Variants in C4orf33 observed in about 807,000 individuals in gnomAD.
The protein encoded by C4orf33 is chromosome 4 open reading frame 33, also known as UPF0462 protein C4orf33.
Under a neutral mutation model 24.3 loss-of-function variants are expected in C4orf33, and 20 were observed. The ratio of observed to expected loss-of-function variants is 0.82; its 90% CI spans 0.58 to 1.19. The LOEUF (loss-of-function observed/expected upper bound fraction) is 1.19. C4orf33 is among the 50% of genes most tolerant of loss of function. The pLI is 0.00. For missense variants in C4orf33, 207 were observed against 225.9 expected (o/e 0.92, Z 0.54); for synonymous variants, 67 against 76.4 (o/e 0.88, Z 0.64).
chr4:129,105,659 ATAC>A (rs1365935070), intron 2 of C4orf33, among the ~76,000 whole-genome samples: 1 of 152,218 alleles, frequency 6.6e-6, no homozygotes, highest in Admixed American at 6.5e-5. Context: ...ATTCTATAAA[ATAC>A]TACTATTCAG....
chr4:129,115,896 T>G lies in C4orf33; in HGVS notation c.*4105T>G, dbSNP rs1753771132. ...GAGCATAAAATGTGCTGTGTATGTG[T>G]GTAGCATATTTTTTGTTAAATCACC... is the stretch of plus-strand genomic sequence containing the variant. On this transcript the variant is annotated 3_prime_UTR_variant, in exon 6 of 6. Transcript: ENST00000425929. The G allele has an allele frequency of 6.8e-6, 1 of 147,654 alleles. No homozygotes were observed. The highest frequency in any genetic ancestry group is 1.5e-5 in the Non-Finnish European group (1 of 66,978). The allele number at this position is 147,654 out of a possible 1,614,324, so 9.1% of individuals were successfully genotyped here.
At chr4:129,100,092 C>A (rs1753309362) in intron 1 of C4orf33, among the ~76,000 whole-genome samples, 2 of 152,054 alleles carry the variant, frequency 1.3e-5, no homozygotes, top group Admixed American at 1.3e-4. Context: ...CTCAAAGAAA[C>A]CTTAGGGGGG....
At chr4:129,097,441 T>A (rs1197234758) in intron 1 of C4orf33, among the ~76,000 whole-genome samples, 1 of 152,230 alleles carries the variant, frequency 6.6e-6, no homozygotes, top group African/African-American at 2.4e-5. Flanking sequence ...GCTTCCTTTT[T>A]ATTAAATAAA....
At chr4:129,098,420 G>A (rs1753262036) in intron 1 of C4orf33, among the ~76,000 whole-genome samples, 1 of 152,112 alleles carries the variant, frequency 6.6e-6, no homozygotes, top group African/African-American at 2.4e-5. Flanking sequence ...AAAATATGTG[G>A]TATTTGGTTT....
At chr4:129,101,951 TACTA>T (rs1339534111) in intron 1 of C4orf33, 3 of 152,172 alleles carry the variant, frequency 2.0e-5, no homozygotes, top group Non-Finnish European at 4.4e-5. Flanking sequence ...AATTCAACTC[TACTA>T]ACTTTTAAAT....
intron 5 of C4orf33, among the ~76,000 whole-genome samples, chr4:129,110,567 C>A (rs570475138): frequency 1.4e-4 from 22 of 152,200 alleles, no homozygotes; most frequent in African/African-American, 5.1e-4. Context: ...TGAGTCTGGG[C>A]ATTTGGAAGA....
rs1753762482 is a variant in C4orf33 at position 129,115,772 on chromosome 4, G to A, written c.*3981G>A. 7.1e-6 allele frequency: 1 copy of A among 140,236 alleles called. No homozygotes were observed. Among genetic ancestry groups the A allele is most frequent in the Non-Finnish European group, 1.5e-5 (1 of 65,150 alleles). 8.7% of individuals were successfully genotyped at this position (140,236 alleles called of 1,614,324 possible). On this transcript the variant is annotated 3_prime_UTR_variant, in exon 6 of 6. Transcript: ENST00000425929. ...AGCCTAAGGCACCTAAGTCCAAGAGGAATATGTGCCTAACAAATCTTCTAA... is the reference window on the plus strand; with the variant it reads ...AGCCTAAGGCACCTAAGTCCAAGAGAAATATGTGCCTAACAAATCTTCTAA...
At chr4:129,110,711 CTTCT>C (rs889674444) in intron 5 of C4orf33, among the ~76,000 whole-genome samples, 7 of 152,036 alleles carry the variant, frequency 4.6e-5, no homozygotes, top group African/African-American at 1.7e-4. Flanking sequence ...TTACTTTATG[CTTCT>C]TTGTCTTTAT....
At chr4:129,110,672 CT>C (rs1337262641) in intron 5 of C4orf33, among the ~76,000 whole-genome samples, 1 of 151,474 alleles carries the variant, frequency 6.6e-6, no homozygotes, top group African/African-American at 2.4e-5. Flanking sequence ...CTTCCTCTCC[CT>C]GTTTGCCTTC....
intron 1 of C4orf33, among the ~76,000 whole-genome samples, chr4:129,097,969 T>C (rs1753250306): frequency 1.3e-5 from 2 of 152,198 alleles, no homozygotes; most frequent in Admixed American, 1.3e-4. Context: ...TTTTGGTCAC[T>C]TTTCTGTTGG....
At chr4:129,104,959 AGTGT>A (rs59872290) in intron 2 of C4orf33, among the ~76,000 whole-genome samples, 2,552 of 148,884 alleles carry the variant, frequency 0.017, 32 homozygotes, top group Non-Finnish European at 0.025. Context: ...TGTGCATCTG[AGTGT>A]GTGTGTGTGT....
chr4:129,094,394 A>G (rs866326308), upstream of C4orf33, among the ~76,000 whole-genome samples: 10 of 152,200 alleles, frequency 6.6e-5, no homozygotes, highest in Admixed American at 5.2e-4. Flanking sequence ...TTGTGCTTTT[A>G]ATAAATTGTA....
intron 2 of C4orf33, 107 bp downstream of exon 2, chr4:129,102,898 T>C (rs1753403639): frequency 8.3e-6 from 8 of 963,578 alleles, no homozygotes; most frequent in Admixed American, 2.5e-5. Context: ...TTCTGAGCAA[T>C]TGACATGTAC....
rs142389878 is a variant in C4orf33 at position 129,104,171 on chromosome 4, C to A, written c.181+1380C>A. On this transcript the variant is annotated intron_variant, in intron 2 of 5. Coordinates refer to ENST00000425929, the MANE Select transcript of C4orf33 (RefSeq NM_001099783.2). ...AAATTGTGAGATCTTTCTAAGATATCCTTCTTTGACACTCTCCCTTATTTG... is the reference window on the plus strand; with the variant it reads ...AAATTGTGAGATCTTTCTAAGATATACTTCTTTGACACTCTCCCTTATTTG... Among the ~76,000 whole-genome samples, 247 of 152,198 alleles carry A rather than the reference C, an allele frequency of 1.6e-3. 2 individuals are homozygous for A. Among genetic ancestry groups the A allele is most frequent in the East Asian group, 0.014 (72 of 5,182 alleles).
At chr4:129,108,894 CT>C (rs35892501) in intron 3 of C4orf33, among the ~76,000 whole-genome samples, 217 of 147,444 alleles carry the variant, frequency 1.5e-3, no homozygotes, top group East Asian at 2.8e-3. Context: ...AATATTGCAT[CT>C]TTTTTTTTTT....
intron 2 of C4orf33, among the ~76,000 whole-genome samples, chr4:129,103,963 G>A (rs546574596): frequency 6.6e-6 from 1 of 152,078 alleles, no homozygotes; most frequent in Non-Finnish European, 1.5e-5. Flanking sequence ...GATACAAAAC[G>A]GGTATATAGC....
At chr4:129,102,057 GT>G (rs34677315) in intron 1 of C4orf33, 107,287 of 151,726 alleles carry the variant, frequency 0.71, 40,355 homozygotes, top group South Asian at 0.89. Flanking sequence ...GATTTATGGA[GT>G]TTTTTTTTAA....
chr4:129,100,524 C>T (rs1561086815), intron 1 of C4orf33: 1 of 152,128 alleles, frequency 6.6e-6, no homozygotes, highest in African/African-American at 2.4e-5. Flanking sequence ...CTTTTAGTAG[C>T]ATATCACTGG....
chr4:129,106,467 A>G (rs1168077290), intron 2 of C4orf33, 120 bp from the exon 3 acceptor site: 2 of 524,382 alleles, frequency 3.8e-6, no homozygotes, highest in Non-Finnish European at 6.7e-6. Context: ...TCTTTTTCCT[A>G]TTGGGGATAG....
Sources: gnomAD v4.1 joint callset for allele counts (sites outside exome capture counted in the v4.1 genomes callset) on GRCh38, gnomAD v4.1.1 for gene constraint, MANE v1.5 for transcripts, NCBI Gene and HGNC (gene_info 2026-07-23, HGNC 2026-07-21) for gene names.